The following RAB37 variants were observed in gnomAD, a reference collection of about 807,000 sequenced individuals.
The protein encoded by RAB37 is RAB37, member RAS oncogene family, also known as ras-related protein Rab-37.
A neutral mutation model predicts 33.1 loss-of-function variants in RAB37; 29 were observed. The observed-to-expected ratio is 0.88, with a 90% CI of 0.65 to 1.20. RAB37 has a LOEUF of 1.20. Ranked by LOEUF, RAB37 falls within the 50% of genes most tolerant of loss-of-function variation. The pLI is 0.00. For synonymous variants in RAB37, 128 were observed against 119.5 expected (o/e 1.07, Z -0.47); for missense variants, 299 against 301.1 (o/e 0.99, Z 0.05).
At chr17:74,695,341 G>A (rs1240897345) in intron 1 of RAB37, 4 of 1,469,442 alleles carry the variant, frequency 2.7e-6, no homozygotes, top group Non-Finnish European at 3.7e-6. Flanking sequence ...TAGTGGGGAT[G>A]GACCATTCAG....
chr17:74,721,205 G>C (rs112676883), intron 1 of RAB37, among the ~76,000 whole-genome samples: 119 of 152,308 alleles, frequency 7.8e-4, no homozygotes, highest in Admixed American at 2.0e-3. Flanking sequence ...AGGGCCGCAG[G>C]TCCAGGCTTG....
At chr17:74,697,244 A>G (rs2032578710) in intron 1 of RAB37, among the ~76,000 whole-genome samples, 1 of 151,854 alleles carries the variant, frequency 6.6e-6, no homozygotes, top group Admixed American at 6.6e-5. Context: ...ACACCCAGAG[A>G]TTGGATTGGA....
chr17:74,719,588 G>A (rs1464742144), intron 1 of RAB37, among the ~76,000 whole-genome samples: 1 of 152,092 alleles, frequency 6.6e-6, no homozygotes, highest in African/African-American at 2.4e-5. Flanking sequence ...GCTCAATGCA[G>A]CTGTAATTCT....
At chr17:74,705,400 A>G in intron 1 of RAB37, 1 of 524,298 alleles carries the variant, frequency 1.9e-6, no homozygotes, top group African/African-American at 1.9e-5. Context: ...TACAACACAG[A>G]TCCCACTTTC....
intron 1 of RAB37, among the ~76,000 whole-genome samples, chr17:74,673,567 G>A (rs2031755112): frequency 6.6e-6 from 1 of 151,466 alleles, no homozygotes; most frequent in South Asian, 2.1e-4. Context: ...TGGGAGCTCA[G>A]ATTGTTCAAA....
At chr17:74,672,015 G>A (rs998125455) in intron 1 of RAB37, among the ~76,000 whole-genome samples, 15 of 152,096 alleles carry the variant, frequency 9.9e-5, no homozygotes, top group African/African-American at 3.6e-4. Flanking sequence ...ACATCTGCTA[G>A]CAGTGGCCAA....
At chr17:74,695,770 A>G in intron 1 of RAB37, 1 of 1,614,130 alleles carries the variant, frequency 6.2e-7, no homozygotes, top group Non-Finnish European at 8.5e-7. Context: ...GGGCAGAGGA[A>G]AGCTTCGTGG....
intron 1 of RAB37, among the ~76,000 whole-genome samples, chr17:74,707,033 C>G (rs962323314): frequency 6.6e-6 from 1 of 152,146 alleles, no homozygotes; most frequent in African/African-American, 2.4e-5. Context: ...TTAAATCTCT[C>G]AGAAGAAAAC....
At chr17:74,684,852 G>T (rs2032022039) in intron 1 of RAB37, among the ~76,000 whole-genome samples, 1 of 133,398 alleles carries the variant, frequency 7.5e-6, no homozygotes, top group Non-Finnish European at 1.7e-5. Flanking sequence ...ATACATATGT[G>T]TGAGATAGAT....
rs757683419 is a variant in RAB37 at position 74,743,339 on chromosome 17, G to T, written c.365G>T (p.Arg122Met). The change falls in exon 5 of 9, where the codon AGG becomes ATG. Residue 122 changes from arginine to methionine, a missense_variant and splice_region_variant. By Grantham distance (91) the Arg-to-Met change is moderately conservative (BLOSUM62 -1). Coordinates refer to ENST00000392613, the MANE Select transcript of RAB37 (RefSeq NM_001006638.3). ...AACAAATCTTCTTTCGACAACATCAGGGTAGGTCCTCCCTTCCCCTGACTC... is the reference window on the plus strand; with the variant it reads ...AACAAATCTTCTTTCGACAACATCATGGTAGGTCCTCCCTTCCCCTGACTC... ...ITNKSSFDNI[R>M]AWLTEIHEYA... 1 of 1,614,054 alleles carries T rather than the reference G, an allele frequency of 6.2e-7. No individual in the cohort carries two copies. The highest frequency in any genetic ancestry group is 1.1e-5 in the South Asian group (1 of 91,082).
At chr17:74,735,053 GAAA>G, upstream of RAB37, among the ~76,000 whole-genome samples, 1 of 138,388 alleles carries the variant, frequency 7.2e-6, no homozygotes, top group Admixed American at 7.6e-5. Flanking sequence ...AAGAAAGAAA[GAAA>G]GAAAGAGAAA....
Position 74,742,202 on chromosome 17 carries a change from TGAG to T in RAB37, c.205-48_205-46del, listed in dbSNP as rs2034635595. ...GAACAAGACAGGACGTCTGCAGAGC[TGAG>T]GAGCCACATGACTCCTGCCCTCCCA... On this transcript the variant is annotated intron_variant, in intron 2 of 8. Coordinates refer to ENST00000392613, the MANE Select transcript of RAB37 (RefSeq NM_001006638.3). The surrounding 1 kb of genome is among the most constrained non-coding windows in gnomAD (Gnocchi z 4.0). 1.2e-6 allele frequency: 2 copies of T among 1,602,788 alleles called. No homozygotes were observed. The highest frequency in any genetic ancestry group is 2.7e-5 in the African/African-American group (2 of 74,700).
upstream of RAB37, chr17:74,736,646 G>A (rs1236114606): frequency 7.8e-6 from 12 of 1,535,328 alleles, no homozygotes; most frequent in African/African-American, 1.1e-4. Flanking sequence ...CAGGCCGGGG[G>A]AAATGAGAGG....
chr17:74,724,285 G>A (rs1416353235), intron 1 of RAB37, among the ~76,000 whole-genome samples: 1 of 152,184 alleles, frequency 6.6e-6, no homozygotes, highest in African/African-American at 2.4e-5. Flanking sequence ...GCAGAAGACT[G>A]GAAACATGGA....
intron 1 of RAB37, among the ~76,000 whole-genome samples, chr17:74,681,961 G>A (rs143792254): frequency 1.4e-4 from 21 of 152,362 alleles, no homozygotes; most frequent in African/African-American, 5.0e-4. Context: ...CTCATTAGCA[G>A]AGAAAGAGAA....
intron 1 of RAB37, among the ~76,000 whole-genome samples, chr17:74,707,333 C>G (rs368188829): frequency 1.3e-5 from 2 of 152,136 alleles, no homozygotes; most frequent in African/African-American, 2.4e-5. Context: ...GGAATCTGAC[C>G]AGATATTTCT....
At chr17:74,700,628 G>A (rs1322404654) in intron 1 of RAB37, among the ~76,000 whole-genome samples, 1 of 151,824 alleles carries the variant, frequency 6.6e-6, no homozygotes, top group African/African-American at 2.4e-5. Flanking sequence ...TGTAATCCTG[G>A]CTACTCCCAG....
rs201839620 is a variant in RAB37, at chr17:74,744,887, C to G, written c.447C>G (p.Ser149Arg). Residue 149 changes from serine (S) to arginine (R), a missense_variant, in exon 7 of 9, where the codon AGC (serine) becomes AGG (arginine). Ser to Arg is a moderately radical substitution (Grantham distance 110, BLOSUM62 -1). Transcript: ENST00000392613. This position sits in a 1 kb window ranked among gnomAD's most constrained non-coding sequence, Gnocchi z 4.2. The part of the protein sequence containing the change: ...MLLGNKADMS[S>R]ERVIRSEDGE... ...GGGCTTGACAGGCGGATATGAGCAG[C>G]GAAAGAGTGATCCGTTCCGAAGACG... The G allele has an allele frequency of 1.9e-6, 3 of 1,614,258 alleles. No individual in the cohort carries two copies. The highest frequency in any genetic ancestry group is 2.5e-6 in the Non-Finnish European group (3 of 1,180,044).
Position 74,745,422 on chromosome 17 carries a change from G to A in RAB37, c.*11G>A. The A allele has an allele frequency of 6.2e-7, 1 of 1,604,898 alleles. No individual in the cohort carries two copies. Among genetic ancestry groups the A allele is most frequent in the Non-Finnish European group, 8.5e-7 (1 of 1,171,746 alleles). On this transcript the variant is annotated 3_prime_UTR_variant, in exon 9 of 9. Transcript: ENST00000392613. This position sits in a 1 kb window ranked among gnomAD's most constrained non-coding sequence, Gnocchi z 4.5. ...TGCTCCTTCATGTGAATCCCAGGGG[G>A]CAGAGAGGAGGCTCTGGAGGCACAC...
Sources: gnomAD v4.1 joint callset for allele counts (sites outside exome capture counted in the v4.1 genomes callset) on GRCh38, gnomAD v4.1.1 for gene constraint, Gnocchi (gnomAD v3.1) non-coding constraint, MANE v1.5 for transcripts, NCBI Gene and HGNC (gene_info 2026-07-23, HGNC 2026-07-21) for gene names.